DCLK1: variants seen among roughly 807,000 people sequenced by gnomAD.
DCLK1 encodes doublecortin like kinase 1.
DCLK1 carries 16 observed loss-of-function variants against 86.2 expected under a neutral mutation model. That is an observed-to-expected ratio of 0.19 (90% CI 0.13 to 0.28). The LOEUF (loss-of-function observed/expected upper bound fraction) is 0.28. Ranked by LOEUF, DCLK1 falls within the 10% of genes least tolerant of loss-of-function variation. The pLI is 1.00. For missense variants in DCLK1, 590 were observed against 940.2 expected (o/e 0.63, Z 4.87); for synonymous variants, 369 against 370.5 (o/e 1.00, Z 0.05).
At chr13:35,945,023 C>T (rs1455992672) in intron 4 of DCLK1, among the ~76,000 whole-genome samples, 1 of 152,140 alleles carries the variant, frequency 6.6e-6, no homozygotes, top group Non-Finnish European at 1.5e-5. Context: ...GCCTAAGCCT[C>T]CTGAGTAGCT....
At chr13:35,981,133 G>A (rs1879616961) in intron 3 of DCLK1, among the ~76,000 whole-genome samples, 1 of 151,984 alleles carries the variant, frequency 6.6e-6, no homozygotes, top group African/African-American at 2.4e-5. Context: ...ATGCTATAAG[G>A]TTTCATTAAT....
chr13:35,943,583 C>T lies in DCLK1; in HGVS notation c.823+3775G>A, dbSNP rs555569235. Among the ~76,000 whole-genome samples the T allele has an allele frequency of 2.6e-5, 4 of 152,028 alleles. No individual in the cohort carries two copies. In the East Asian group the frequency reaches 5.8e-4, roughly 22 times the overall value. On this transcript the variant is annotated intron_variant, in intron 4 of 16. Coordinates refer to ENST00000360631, the MANE Select transcript of DCLK1 (RefSeq NM_001330071.2). Reference sequence around the variant, plus strand: ...TGACAGGTATCTGGACTCCCGAGCACGCAGCAGGCCTGGCCAAGGTGAGGC... The same window carrying T: ...TGACAGGTATCTGGACTCCCGAGCATGCAGCAGGCCTGGCCAAGGTGAGGC...
intron 3 of DCLK1, among the ~76,000 whole-genome samples, chr13:35,954,881 A>T (rs982185057): frequency 2.0e-5 from 3 of 152,324 alleles, no homozygotes; most frequent in Admixed American, 1.3e-4. Flanking sequence ...AGAATAGGCT[A>T]GGAGATAACA....
chr13:35,783,480 G>A (rs1023850952), intron 16 of DCLK1, among the ~76,000 whole-genome samples: 2 of 152,182 alleles, frequency 1.3e-5, no homozygotes, highest in African/African-American at 4.8e-5. Flanking sequence ...GGTTACTGCA[G>A]GAAATGGGGC....
chr13:35,914,016 G>C (rs955714668), intron 4 of DCLK1, among the ~76,000 whole-genome samples: 24 of 151,952 alleles, frequency 1.6e-4, no homozygotes, highest in Non-Finnish European at 3.4e-4. Flanking sequence ...GAATTTTTAG[G>C]AAATAAAAAG....
At chr13:35,868,520 T>C (rs1872021738) in intron 5 of DCLK1, among the ~76,000 whole-genome samples, 1 of 152,212 alleles carries the variant, frequency 6.6e-6, no homozygotes, top group Non-Finnish European at 1.5e-5. Context: ...ATAGGAAAGG[T>C]TAAGTAAAAT....
intron 4 of DCLK1, among the ~76,000 whole-genome samples, chr13:35,909,632 TGTGTGTGTA>T (rs1874892486): frequency 7.8e-6 from 1 of 128,404 alleles, no homozygotes; most frequent in Non-Finnish European, 1.7e-5. Flanking sequence ...TGTGTGTGTG[TGTGTGTGTA>T]TTTTTTTTTT....
chr13:36,103,720 A>G (rs1255965001), intron 3 of DCLK1, among the ~76,000 whole-genome samples: 1 of 152,230 alleles, frequency 6.6e-6, no homozygotes, highest in African/African-American at 2.4e-5. Context: ...AAAACTAATC[A>G]GGAAAATCTG....
At chr13:35,824,526 C>T (rs1442746729) in intron 10 of DCLK1, among the ~76,000 whole-genome samples, 1 of 152,004 alleles carries the variant, frequency 6.6e-6, no homozygotes, top group Non-Finnish European at 1.5e-5. Context: ...TCTTATCGGT[C>T]CTTTCTTGGA....
intron 4 of DCLK1, among the ~76,000 whole-genome samples, chr13:35,920,381 G>A (rs1329752418): frequency 6.6e-6 from 1 of 152,216 alleles, no homozygotes; most frequent in East Asian, 1.9e-4. Flanking sequence ...AATCAGTGAG[G>A]CAGAGTCTAT....
At chr13:35,814,619 T>C (rs891362120) in intron 11 of DCLK1, among the ~76,000 whole-genome samples, 5 of 152,188 alleles carry the variant, frequency 3.3e-5, no homozygotes, top group Non-Finnish European at 7.3e-5. Flanking sequence ...TGGGAGTACA[T>C]TAATTGTCAG....
At chr13:36,044,749 T>C (rs1024979124) in intron 3 of DCLK1, among the ~76,000 whole-genome samples, 5 of 151,968 alleles carry the variant, frequency 3.3e-5, no homozygotes, top group Admixed American at 6.6e-5. Context: ...CAGAGGGAAA[T>C]TGAGAAAGAT....
chr13:36,095,186 GT>G (rs149587599), intron 3 of DCLK1, among the ~76,000 whole-genome samples: 28,833 of 144,066 alleles, frequency 0.2, 3,758 homozygotes, highest in South Asian at 0.37. Context: ...TTTTTTTTTT[GT>G]TTTTTTTGTT....
chr13:35,894,738 C>T (rs1873851024), intron 4 of DCLK1, among the ~76,000 whole-genome samples: 2 of 152,206 alleles, frequency 1.3e-5, no homozygotes, highest in Middle Eastern at 3.4e-3. Context: ...CTCCTGAGCC[C>T]GCCATTAATG....
intron 4 of DCLK1, among the ~76,000 whole-genome samples, chr13:35,898,771 C>T (rs2153121571): frequency 6.6e-6 from 1 of 152,088 alleles, no homozygotes; most frequent in South Asian, 2.1e-4. Context: ...AGACAGGGTC[C>T]TGCTCTGTCG....
intron 2 of DCLK1, among the ~76,000 whole-genome samples, chr13:36,118,085 C>CAA (rs36075533): frequency 0.19 from 28,715 of 151,228 alleles, 3,021 homozygotes; most frequent in Non-Finnish European, 0.24. Flanking sequence ...AACATTTTCT[C>CAA]AAAAAAAAAT....
intron 4 of DCLK1, among the ~76,000 whole-genome samples, chr13:35,898,013 T>A (rs1874107668): frequency 6.6e-6 from 1 of 152,204 alleles, no homozygotes; most frequent in Non-Finnish European, 1.5e-5. Flanking sequence ...ATGAAAACAT[T>A]AAATTATCTG....
intron 6 of DCLK1, chr13:35,850,369 A>G: frequency 2.0e-6 from 2 of 1,005,936 alleles, no homozygotes; most frequent in East Asian, 1.9e-4. Flanking sequence ...AGAAAACTCC[A>G]TCTGCAGAAA....
chr13:36,116,639 T>C (rs1885802211), intron 2 of DCLK1, among the ~76,000 whole-genome samples: 1 of 152,212 alleles, frequency 6.6e-6, no homozygotes, highest in Non-Finnish European at 1.5e-5. Flanking sequence ...AGCTGGTTGT[T>C]ACCTCCTCTA....
Sources: gnomAD v4.1 joint callset for allele counts (sites outside exome capture counted in the v4.1 genomes callset) on GRCh38, gnomAD v4.1.1 for gene constraint, MANE v1.5 for transcripts, NCBI Gene and HGNC (gene_info 2026-07-23, HGNC 2026-07-21) for gene names.